LRRC28: variants seen among roughly 807,000 people sequenced by gnomAD.
LRRC28 encodes the protein leucine-rich repeat-containing protein 28.
In LRRC28, 39 loss-of-function variants were observed where a neutral mutation model predicts 45.7. That is an observed-to-expected ratio of 0.85 (90% CI 0.66 to 1.12). The LOEUF is 1.12. Ranked by LOEUF, LRRC28 falls within the 50% of genes most tolerant of loss-of-function variation. LRRC28 has a pLI of 0.00. For missense variants in LRRC28, 435 were observed against 438.5 expected (o/e 0.99, Z 0.07); for synonymous variants, 206 against 178.8 (o/e 1.15, Z -1.22).
intron 3 of LRRC28, chr15:99,286,977 A>G (rs2081974765): frequency 3.9e-6 from 1 of 259,126 alleles, no homozygotes; most frequent in South Asian, 1.4e-4. Flanking sequence ...TTATGAAGTT[A>G]AAAAGACCTT....
Position 99,389,202 on chromosome 15 carries a change from AC to A in LRRC28, c.*3102del, listed in dbSNP as rs1958114214. 2 of 152,182 alleles carry A rather than the reference AC, an allele frequency of 1.3e-5. No individual in the cohort carries two copies. The highest frequency in any genetic ancestry group is 4.2e-4 in the South Asian group (2 of 4,814). 9.4% of individuals were successfully genotyped at this position (152,182 alleles called of 1,614,324 possible). On this transcript the variant is annotated 3_prime_UTR_variant, in exon 10 of 10. Transcript: ENST00000301981. ...CTTTTGGTCACCGTGCCTCACTAAG[AC>A]CTTTCACATTCCAGCTTGTCCGACT...
In LRRC28 at chr15:99,287,311, A is replaced by C. The variant is rs1381023269; in HGVS notation, c.247+17A>C. 13 of 1,516,772 alleles carry C rather than the reference A, an allele frequency of 8.6e-6. No homozygotes were observed. Among genetic ancestry groups the C allele is most frequent in the Non-Finnish European group, 1.2e-5 (13 of 1,125,974 alleles). 94.0% of individuals were successfully genotyped at this position (1,516,772 alleles called of 1,614,324 possible). On this transcript the variant is annotated intron_variant, in intron 4 of 9. Transcript: ENST00000301981. Reference sequence around the variant, plus strand: ...TTCCGGAAGGTATGTTTAACTTAAAAATTTTAGTTAGAAGATAATATAATT... The same window carrying C: ...TTCCGGAAGGTATGTTTAACTTAAACATTTTAGTTAGAAGATAATATAATT...
At chr15:99,360,313 G>A (rs1049131293) in intron 7 of LRRC28, among the ~76,000 whole-genome samples, 2 of 152,014 alleles carry the variant, frequency 1.3e-5, no homozygotes, top group African/African-American at 4.8e-5. Context: ...GTCAGATATT[G>A]TCTTATCTTT....
chr15:99,362,454 A>G (rs975197427), intron 8 of LRRC28, among the ~76,000 whole-genome samples: 1 of 152,202 alleles, frequency 6.6e-6, no homozygotes, highest in Non-Finnish European at 1.5e-5. Context: ...GCTCATCATC[A>G]GTAGAAACCC....
At chr15:99,354,791 G>T (rs183768564) in intron 7 of LRRC28, among the ~76,000 whole-genome samples, 1 of 152,126 alleles carries the variant, frequency 6.6e-6, no homozygotes, top group African/African-American at 2.4e-5. Context: ...AACTCCCTTC[G>T]TTCTTCACTG....
At chr15:99,315,798 C>A (rs749637722) in intron 5 of LRRC28, among the ~76,000 whole-genome samples, 1 of 152,108 alleles carries the variant, frequency 6.6e-6, no homozygotes, top group Admixed American at 6.6e-5. Context: ...ACATCTGGCT[C>A]ACACCTGGAG....
At chr15:99,264,638 G>C (rs1038664111) in intron 2 of LRRC28, among the ~76,000 whole-genome samples, 1 of 152,184 alleles carries the variant, frequency 6.6e-6, no homozygotes, top group Non-Finnish European at 1.5e-5. Flanking sequence ...GTAAACAGAT[G>C]GGTAGATAGG....
chr15:99,258,300 C>G (rs1396056006), intron 2 of LRRC28: 2 of 1,513,186 alleles, frequency 1.3e-6, no homozygotes. Context: ...GAGTCTGAAT[C>G]CAATGAATAT....
intron 5 of LRRC28, among the ~76,000 whole-genome samples, chr15:99,295,017 A>G (rs1456143060): frequency 2.6e-5 from 4 of 152,200 alleles, no homozygotes; most frequent in Non-Finnish European, 5.9e-5. Context: ...TGTGTTCCCT[A>G]GATTTTAAGG....
chr15:99,282,697 G>A (rs2081839626), intron 3 of LRRC28, among the ~76,000 whole-genome samples: 1 of 152,156 alleles, frequency 6.6e-6, no homozygotes, highest in Admixed American at 6.5e-5. Flanking sequence ...ATCTAGGTTT[G>A]TGTAAGAACA....
chr15:99,311,788 C>G (rs140074346), intron 5 of LRRC28, among the ~76,000 whole-genome samples: 39 of 152,294 alleles, frequency 2.6e-4, no homozygotes, highest in African/African-American at 9.1e-4. Flanking sequence ...CACCCCTGCT[C>G]TAGAATATGA....
chr15:99,305,434 T>A (rs1233191565), intron 5 of LRRC28, among the ~76,000 whole-genome samples: 1 of 152,248 alleles, frequency 6.6e-6, no homozygotes, highest in Admixed American at 6.5e-5. Flanking sequence ...TTCATTTAAT[T>A]TTTTATTTTA....
At chr15:99,273,143 AAC>A (rs2081525532) in intron 2 of LRRC28, among the ~76,000 whole-genome samples, 1 of 152,220 alleles carries the variant, frequency 6.6e-6, no homozygotes, top group Non-Finnish European at 1.5e-5. Flanking sequence ...GATATTATGG[AAC>A]ACCAGTAGGT....
At chr15:99,273,644 AGAG>A (rs2081543413) in intron 2 of LRRC28, among the ~76,000 whole-genome samples, 1 of 152,246 alleles carries the variant, frequency 6.6e-6, no homozygotes, top group Non-Finnish European at 1.5e-5. Context: ...ATAAAGACAT[AGAG>A]ATGCTCTATT....
At chr15:99,368,744 C>A (rs1395067858) in intron 9 of LRRC28, among the ~76,000 whole-genome samples, 1 of 152,158 alleles carries the variant, frequency 6.6e-6, no homozygotes, top group Non-Finnish European at 1.5e-5. Context: ...AGTCACATAC[C>A]TAATCTGTTT....
intron 6 of LRRC28, among the ~76,000 whole-genome samples, chr15:99,349,282 TAGTC>T (rs1210876074): frequency 6.6e-6 from 1 of 152,176 alleles, no homozygotes; most frequent in African/African-American, 2.4e-5. Context: ...TTTTATCTTC[TAGTC>T]TTAGAGATCT....
Position 99,257,334 on chromosome 15 carries a change from GTA to G in LRRC28, c.168+1210_168+1211del, listed in dbSNP as rs559256640. The stretch of plus-strand genomic sequence containing the variant: ...CATCCCGTGCTATGAAACCATATTA[GTA>G]CTTTTTAACCCTTTAACGAGAAGTG... On this transcript the variant is annotated intron_variant, in intron 2 of 9. Coordinates refer to ENST00000301981, the MANE Select transcript of LRRC28 (RefSeq NM_144598.5). 2.7e-4 allele frequency among the ~76,000 whole-genome samples: 41 copies of G among 152,234 alleles called. No homozygotes were observed. In the East Asian group the frequency reaches 6.6e-3, roughly 24 times the overall value.
chr15:99,267,863 G>A (rs2081372277), intron 2 of LRRC28, among the ~76,000 whole-genome samples: 2 of 152,132 alleles, frequency 1.3e-5, no homozygotes, highest in Admixed American at 6.5e-5. Context: ...AGAAACTCAA[G>A]CCTCTCACAT....
At chr15:99,317,075 T>A (rs556476839) in intron 5 of LRRC28, among the ~76,000 whole-genome samples, 16 of 151,272 alleles carry the variant, frequency 1.1e-4, no homozygotes, top group African/African-American at 3.6e-4. Context: ...CAGAGCCTCA[T>A]AAATGTTGCG....
Sources: allele counts gnomAD v4.1 joint callset (sites outside exome capture counted in the v4.1 genomes callset), GRCh38; gene constraint gnomAD v4.1.1; transcripts MANE v1.5; gene names NCBI Gene and HGNC (gene_info 2026-07-23, HGNC 2026-07-21).